WNK1: variants seen among roughly 807,000 people sequenced by gnomAD.
WNK1 encodes the protein WNK lysine deficient protein kinase 1.
Under a neutral mutation model 222.8 loss-of-function variants are expected in WNK1, and 38 were observed. The ratio of observed to expected loss-of-function variants is 0.17; its 90% CI spans 0.13 to 0.22. WNK1 has a LOEUF of 0.22. WNK1 is among the 10% of genes least tolerant of loss of function. The pLI, the probability that WNK1 is intolerant of heterozygous loss-of-function variation, is 1.00. For synonymous variants in WNK1, 1,090 were observed against 1,092.9 expected, an observed-to-expected ratio of 1.00 and a Z score of 0.05; for missense variants, 2,348 against 2,918.4, an observed-to-expected ratio of 0.80 and a Z score of 4.50.
intron 2 of WNK1, among the ~76,000 whole-genome samples, chr12:818,149 CTG>C (rs917589222): frequency 2.0e-5 from 3 of 152,220 alleles, no homozygotes; most frequent in East Asian, 1.9e-4. Context: ...TCAGAACACT[CTG>C]TGCCCATTAA....
chr12:895,920 C>T, intron 23 of WNK1, 151 bp from the exon 24 acceptor site: 1 of 961,644 alleles, frequency 1.0e-6, no homozygotes, highest in Non-Finnish European at 1.6e-6. Flanking sequence ...ATTTTTCTTC[C>T]TAGTCAAAAG....
Position 752,729 on chromosome 12 carries a change from G to A in WNK1, c.-837G>A, listed in dbSNP as rs1301492557. 1.3e-5 allele frequency: 2 copies of A among 152,268 alleles called. No individual in the cohort carries two copies. Among genetic ancestry groups the A allele is most frequent in the African/African-American group, 4.8e-5 (2 of 41,430 alleles). The allele number at this position is 152,268 out of a possible 1,614,324, so 9.4% of individuals were successfully genotyped here. Reference sequence around the variant, plus strand: ...TGTTCCCCCTCACCCAGTCCTCTAGGTCTCCTCTCCTCTTGCCTCAGAGAA... The same window carrying A: ...TGTTCCCCCTCACCCAGTCCTCTAGATCTCCTCTCCTCTTGCCTCAGAGAA... On this transcript the variant is annotated 5_prime_UTR_variant, in exon 1 of 28. Transcript: ENST00000315939.
At chr12:763,589 CA>C (rs66873249) in intron 1 of WNK1, among the ~76,000 whole-genome samples, 5 of 137,676 alleles carry the variant, frequency 3.6e-5, no homozygotes, top group Admixed American at 7.2e-5. Flanking sequence ...AACTCTGTCT[CA>C]AAAAAAAAAG....
intron 16 of WNK1, 61 bp from the exon 17 acceptor site, chr12:883,713 G>T: frequency 6.2e-7 from 1 of 1,606,232 alleles, no homozygotes; most frequent in East Asian, 2.2e-5. Flanking sequence ...GTGGCAGTTT[G>T]CTTTGCCTAG....
At chr12:840,717 A>T (rs1266392362) in intron 4 of WNK1, among the ~76,000 whole-genome samples, 4 of 152,228 alleles carry the variant, frequency 2.6e-5, no homozygotes, top group African/African-American at 9.6e-5. Flanking sequence ...AGAACTTTGT[A>T]AAACATGTTC....
At chr12:821,488 T>G (rs1362190538) in intron 2 of WNK1, among the ~76,000 whole-genome samples, 1 of 152,262 alleles carries the variant, frequency 6.6e-6, no homozygotes, top group East Asian at 1.9e-4. Context: ...GAATGTTCCA[T>G]GTACAGTTGA....
At chr12:883,258 C>A in intron 15 of WNK1, 137 bp from the exon 16 acceptor site, 1 of 1,131,332 alleles carries the variant, frequency 8.8e-7, no homozygotes, top group Non-Finnish European at 1.3e-6. Context: ...TATTGAAGTT[C>A]TTAAAAAGAG....
intron 8 of WNK1, among the ~76,000 whole-genome samples, chr12:870,685 A>G (rs1359377921): frequency 1.3e-5 from 2 of 152,202 alleles, no homozygotes; most frequent in Middle Eastern, 3.2e-3. Context: ...TACTAGTAGC[A>G]GCAATCTCCC....
intron 9 of WNK1, among the ~76,000 whole-genome samples, chr12:874,616 T>C (rs534009991): frequency 6.6e-6 from 1 of 152,276 alleles, no homozygotes; most frequent in South Asian, 2.1e-4. Context: ...CTAAATAATA[T>C]AGTAAATATA....
chr12:901,609 G>A, intron 26 of WNK1: 1 of 1,289,108 alleles, frequency 7.8e-7, no homozygotes, highest in Non-Finnish European at 1.0e-6. Context: ...TTCAAACCTG[G>A]TGGCAGGAGG....
In WNK1 at chr12:908,052, C is replaced by T. The variant is rs201628002; in HGVS notation, c.6831+18C>T. On this transcript the variant is annotated intron_variant, in intron 27 of 27. Coordinates refer to ENST00000315939, the MANE Select transcript of WNK1 (RefSeq NM_018979.4). Reference sequence around the variant, plus strand: ...ATTACGAGGTAAGTCTCTCTTTTGCCGCAGAGAATCCGTAACACACATCTG... The same window carrying T: ...ATTACGAGGTAAGTCTCTCTTTTGCTGCAGAGAATCCGTAACACACATCTG... 3.8e-5 allele frequency: 61 copies of T among 1,613,426 alleles called. No individual in the cohort carries two copies. The highest frequency in any genetic ancestry group is 1.2e-4 in the South Asian group (11 of 91,042).
rs925653592 is a variant in WNK1, at chr12:884,840, G to A, written c.4036G>A (p.Val1346Ile). 2.5e-6 allele frequency: 4 copies of A among 1,614,006 alleles called. No homozygotes were observed. Among genetic ancestry groups the A allele is most frequent in the East Asian group, 2.2e-5 (1 of 44,896 alleles). ...TCCTTTCTTAAGTAGCATTGCTGGA[G>A]TCCCAACCACAGCAGCAGCCACAGC... ...VPPFLSSIAGVPTTAAATAPV... is the reference protein window; with the variant it reads ...VPPFLSSIAGIPTTAAATAPV... The change falls in exon 19 of 28, where the codon GTC (valine) becomes ATC (isoleucine). Residue 1346 changes from valine (V) to isoleucine (I), a missense_variant. Around this residue, in one of 13 missense-constraint regions of WNK1, gnomAD observed 1,144 missense variants for 1,273.6 expected, o/e 0.90. Coordinates refer to ENST00000315939, the MANE Select transcript of WNK1 (RefSeq NM_018979.4). The surrounding 1 kb of genome is among the most constrained non-coding windows in gnomAD (Gnocchi z 5.6).
chr12:874,400 G>C (rs1373974604), intron 9 of WNK1, among the ~76,000 whole-genome samples: 1 of 152,154 alleles, frequency 6.6e-6, no homozygotes, highest in Admixed American at 6.5e-5. Context: ...TTAACCGTTA[G>C]CCATTGTAAA....
At position 827,455 on chromosome 12, in the gene WNK1, T is replaced by C. The variant is rs1948439321; in HGVS notation, c.1153+193T>C. 6.6e-6 allele frequency: 4 copies of C among 606,794 alleles called. No individual in the cohort carries two copies. The highest frequency in any genetic ancestry group is 2.8e-5 in the East Asian group (1 of 36,362). The allele number at this position is 606,794 out of a possible 1,614,324, so 37.6% of individuals were successfully genotyped here. ...CTTCTTGGAATCATCTTAGAGACTA[T>C]TGGTAACATTACGTTACAAGAAATA... is the stretch of plus-strand genomic sequence containing the variant. On this transcript the variant is annotated intron_variant, in intron 3 of 27. Transcript: ENST00000315939. The surrounding 1 kb of genome is among the most constrained non-coding windows in gnomAD (Gnocchi z 4.6).
chr12:875,336 A>C (rs538105444), intron 9 of WNK1, among the ~76,000 whole-genome samples: 1 of 152,356 alleles, frequency 6.6e-6, no homozygotes, highest in East Asian at 1.9e-4. Flanking sequence ...CTCATATTAC[A>C]GGGTTTTCAC....
intron 1 of WNK1, among the ~76,000 whole-genome samples, chr12:791,225 CCACACACACACACACACA>C (rs141810227): frequency 1.2e-4 from 17 of 145,268 alleles, no homozygotes; most frequent in East Asian, 1.0e-3. Context: ...ATTTCTCTCA[CCACACACACACACACACA>C]CACACACACA....
intron 3 of WNK1, among the ~76,000 whole-genome samples, chr12:828,066 G>A (rs1010747523): frequency 3.3e-5 from 5 of 151,936 alleles, no homozygotes; most frequent in African/African-American, 1.2e-4. Context: ...GGGAGGCTGA[G>A]GTGGGAGGGT....
At chr12:835,349 A>G (rs149347032) in intron 4 of WNK1, among the ~76,000 whole-genome samples, 543 of 151,812 alleles carry the variant, frequency 3.6e-3, no homozygotes, top group African/African-American at 0.013. Context: ...AAAAAACAAC[A>G]AAAAAACCCA....
chr12:839,441 T>C (rs1230791435), intron 4 of WNK1, among the ~76,000 whole-genome samples: 1 of 152,154 alleles, frequency 6.6e-6, no homozygotes, highest in East Asian at 1.9e-4. Flanking sequence ...TGAAGTAATC[T>C]AAGGGAAATG....
Sources: allele counts gnomAD v4.1 joint callset (sites outside exome capture counted in the v4.1 genomes callset), GRCh38; gene constraint gnomAD v4.1.1; regional missense constraint gnomAD v4.1.1; non-coding constraint Gnocchi (gnomAD v3.1); transcripts MANE v1.5; gene names NCBI Gene and HGNC (gene_info 2026-07-23, HGNC 2026-07-21).